Variants in BRINP2 observed in about 807,000 individuals in gnomAD.
The protein encoded by BRINP2 is BMP/retinoic acid inducible neural specific 2, also known as BMP/retinoic acid-inducible neural-specific protein 2.
In BRINP2, 21 loss-of-function variants were observed where a neutral mutation model predicts 69.2. That is an observed-to-expected ratio of 0.30 (90% CI 0.22 to 0.44). BRINP2 has a LOEUF of 0.44. Ranked by LOEUF, BRINP2 falls within the 20% of genes least tolerant of loss-of-function variation. The pLI is 1.00. For synonymous variants in BRINP2, 380 were observed against 394.1 expected (o/e 0.96, Z 0.42); for missense variants, 877 against 986.0 (o/e 0.89, Z 1.48).
At chr1:177,280,104 A>G (rs1651641950) in intron 7 of BRINP2, among the ~76,000 whole-genome samples, 1 of 152,176 alleles carries the variant, frequency 6.6e-6, no homozygotes, top group African/African-American at 2.4e-5. Context: ...GACACAAAAG[A>G]TGCTGGAGAT....
chr1:177,280,349 T>C, intron 7 of BRINP2, 63 bp from the exon 8 acceptor site: 1 of 1,472,536 alleles, frequency 6.8e-7, no homozygotes, highest in East Asian at 2.3e-5. Flanking sequence ...TTGCTGCCCT[T>C]AAGAAGGGTG....
At chr1:177,247,924 G>A (rs1650434633) in intron 2 of BRINP2, among the ~76,000 whole-genome samples, 1 of 152,198 alleles carries the variant, frequency 6.6e-6, no homozygotes, top group Admixed American at 6.5e-5. Context: ...CTGACACCAG[G>A]ATAGGTTGGT....
At chr1:177,204,475 C>T (rs1649012574) in intron 1 of BRINP2, among the ~76,000 whole-genome samples, 1 of 150,168 alleles carries the variant, frequency 6.7e-6, no homozygotes, top group Non-Finnish European at 1.5e-5. Flanking sequence ...GGAGTGGCCA[C>T]AGAACAAGCA....
chr1:177,265,476 T>C (rs1224734272), intron 4 of BRINP2, among the ~76,000 whole-genome samples: 1 of 152,222 alleles, frequency 6.6e-6, no homozygotes, highest in Non-Finnish European at 1.5e-5. Flanking sequence ...CATTATCCTG[T>C]TAAGTAGTTT....
intron 7 of BRINP2, among the ~76,000 whole-genome samples, chr1:177,279,137 A>G (rs1222142459): frequency 2.0e-5 from 3 of 152,184 alleles, no homozygotes; most frequent in East Asian, 3.8e-4. Context: ...AAACACACAC[A>G]CTGGCTTGTG....
intron 1 of BRINP2, among the ~76,000 whole-genome samples, chr1:177,200,543 G>C (rs900914131): frequency 6.6e-6 from 1 of 151,720 alleles, no homozygotes; most frequent in Admixed American, 6.6e-5. Context: ...AGTAAAGCAG[G>C]CTCCTCCTAC....
intron 2 of BRINP2, among the ~76,000 whole-genome samples, chr1:177,252,262 C>T (rs962031100): frequency 6.6e-6 from 1 of 152,078 alleles, no homozygotes; most frequent in East Asian, 1.9e-4. Context: ...AGCTACACAG[C>T]GGGAATTTTG....
chr1:177,202,486 T>C (rs1571895483), intron 1 of BRINP2, among the ~76,000 whole-genome samples: 1 of 152,356 alleles, frequency 6.6e-6, no homozygotes, highest in Non-Finnish European at 1.5e-5. Flanking sequence ...GAGCAGGTTG[T>C]TCAGTTTCCA....
At chr1:177,214,603 TG>T (rs1649322873) in intron 1 of BRINP2, among the ~76,000 whole-genome samples, 1 of 150,382 alleles carries the variant, frequency 6.6e-6, no homozygotes, top group African/African-American at 2.4e-5. Flanking sequence ...ACACCAGGAG[TG>T]GGGATTTCCG....
intron 1 of BRINP2, among the ~76,000 whole-genome samples, chr1:177,174,623 G>C (rs1164224610): frequency 6.6e-6 from 1 of 152,176 alleles, no homozygotes. Context: ...GATTTGTTTG[G>C]ATAGAAAGAA....
chr1:177,281,683 A>G lies in BRINP2; in HGVS notation c.*155A>G. ...CTCGAGGCTCGAGCTGAAGCAGGCG[A>G]GAGAGAAACAGCTACTGCGTGCGTG... On this transcript the variant is annotated 3_prime_UTR_variant, in exon 8 of 8. Transcript: ENST00000361539. 1.1e-6 allele frequency: 1 copy of G among 950,818 alleles called. No individual in the cohort carries two copies. The highest frequency in any genetic ancestry group is 1.7e-5 in the South Asian group (1 of 59,462). The allele number at this position is 950,818 out of a possible 1,614,324, so 58.9% of individuals were successfully genotyped here. A position where few individuals can be genotyped will look rare whatever the true frequency, so the allele number is the denominator to read the frequency against.
rs1227267704 is a variant in BRINP2 at position 177,270,878 on chromosome 1, TCAA to T, written c.670-2607_670-2605del. Reference sequence around the variant, plus strand: ...GGCCATGGCTCTTCATATGGGGAATTCAACACTATATAGAAAGTGAAGACTTCA... The same window carrying T: ...GGCCATGGCTCTTCATATGGGGAATTCACTATATAGAAAGTGAAGACTTCA... On this transcript the variant is annotated intron_variant, in intron 4 of 7. Coordinates refer to ENST00000361539, the MANE Select transcript of BRINP2 (RefSeq NM_021165.4). Among the ~76,000 whole-genome samples the T allele has an allele frequency of 4.6e-5, 7 of 152,214 alleles. No individual in the cohort carries two copies. In the East Asian group the frequency reaches 1.4e-3, roughly 29 times the overall value.
intron 2 of BRINP2, among the ~76,000 whole-genome samples, chr1:177,247,796 T>C (rs974348906): frequency 2.6e-5 from 4 of 152,354 alleles, no homozygotes; most frequent in African/African-American, 9.6e-5. Context: ...AAACGCAGAA[T>C]AGTGAGCAGG....
intron 4 of BRINP2, among the ~76,000 whole-genome samples, chr1:177,270,086 G>GGT (rs1468689853): frequency 3.6e-5 from 5 of 137,870 alleles, no homozygotes; most frequent in East Asian, 2.4e-4. Context: ...AAGGGGTGGG[G>GGT]GGGGTGGTTC....
intron 4 of BRINP2, among the ~76,000 whole-genome samples, chr1:177,269,826 A>G (rs549167145): frequency 7.9e-5 from 12 of 152,252 alleles, no homozygotes; most frequent in African/African-American, 2.9e-4. Context: ...TGAACCTGAG[A>G]TCCATCAGGG....
At chr1:177,253,317 C>G (rs767738188) in intron 2 of BRINP2, among the ~76,000 whole-genome samples, 1 of 152,122 alleles carries the variant, frequency 6.6e-6, no homozygotes, top group Non-Finnish European at 1.5e-5. Flanking sequence ...AGCATTTTAT[C>G]ATATACCTGC....
At chr1:177,178,875 A>G (rs1444218420) in intron 1 of BRINP2, among the ~76,000 whole-genome samples, 1 of 152,212 alleles carries the variant, frequency 6.6e-6, no homozygotes, top group Non-Finnish European at 1.5e-5. Context: ...TATGATTATA[A>G]TCATGATAAT....
intron 2 of BRINP2, among the ~76,000 whole-genome samples, chr1:177,247,372 T>G (rs1022876628): frequency 2.0e-5 from 3 of 152,204 alleles, no homozygotes; most frequent in Admixed American, 1.3e-4. Flanking sequence ...CAGAACTGGT[T>G]GGTATGTGAG....
intron 2 of BRINP2, among the ~76,000 whole-genome samples, chr1:177,250,487 C>T (rs917565578): frequency 2.0e-5 from 3 of 152,140 alleles, no homozygotes; most frequent in South Asian, 2.1e-4. Context: ...CCATTGCGCC[C>T]GGCTAATTTT....
Sources: allele counts gnomAD v4.1 joint callset (sites outside exome capture counted in the v4.1 genomes callset), GRCh38; gene constraint gnomAD v4.1.1; transcripts MANE v1.5; gene names NCBI Gene and HGNC (gene_info 2026-07-23, HGNC 2026-07-21).